Variants in CHST11 observed in about 807,000 individuals in gnomAD.
CHST11 encodes the protein C4S-1.
Under a neutral mutation model 30.4 loss-of-function variants are expected in CHST11, and 9 were observed. That is an observed-to-expected ratio of 0.30 (90% CI 0.18 to 0.52). CHST11 has a LOEUF of 0.52. CHST11 is among the 20% of genes least tolerant of loss of function. The pLI is 0.97. For synonymous variants in CHST11, 152 were observed against 187.8 expected (o/e 0.81, Z 1.56); for missense variants, 348 against 460.6 (o/e 0.76, Z 2.24).
chr12:104,680,801 C>A (rs2039788229), intron 2 of CHST11, among the ~76,000 whole-genome samples: 1 of 152,222 alleles, frequency 6.6e-6, no homozygotes, highest in Non-Finnish European at 1.5e-5. Flanking sequence ...GCTTGACTAG[C>A]TGGGCCCACA....
At position 104,537,168 on chromosome 12, in the gene CHST11, A is replaced by G. The variant is rs565495350; in HGVS notation, c.119-64738A>G. Among the ~76,000 whole-genome samples, 104 of 152,340 alleles carry G rather than the reference A, an allele frequency of 6.8e-4. 1 individual carries two copies. Among genetic ancestry groups the G allele is most frequent in the African/African-American group, 2.4e-3 (101 of 41,576 alleles). ...CATTATCATGTCACTCTGGAATGAGATGGAAAGTGAAGAGCTCAAATAACA... is the reference window on the plus strand; with the variant it reads ...CATTATCATGTCACTCTGGAATGAGGTGGAAAGTGAAGAGCTCAAATAACA... On this transcript the variant is annotated intron_variant, in intron 1 of 2. Coordinates refer to ENST00000303694, the MANE Select transcript of CHST11 (RefSeq NM_018413.6).
At chr12:104,712,993 C>T (rs889042405) in intron 2 of CHST11, among the ~76,000 whole-genome samples, 21 of 151,998 alleles carry the variant, frequency 1.4e-4, no homozygotes, top group South Asian at 6.2e-4. Flanking sequence ...CCAGGACCCC[C>T]GAGATAAATA....
intron 2 of CHST11, among the ~76,000 whole-genome samples, chr12:104,607,979 T>C (rs2039023061): frequency 6.6e-6 from 1 of 152,108 alleles, no homozygotes; most frequent in African/African-American, 2.4e-5. Flanking sequence ...TTAGACTGGA[T>C]CAGTGTTTAT....
intron 1 of CHST11, among the ~76,000 whole-genome samples, chr12:104,504,721 C>T (rs566653444): frequency 6.6e-6 from 1 of 152,172 alleles, no homozygotes; most frequent in East Asian, 1.9e-4. Flanking sequence ...GTCCCATCTA[C>T]TAGGGAGGCT....
intron 2 of CHST11, among the ~76,000 whole-genome samples, chr12:104,645,654 C>G (rs1395734941): frequency 6.6e-6 from 1 of 150,862 alleles, no homozygotes; most frequent in African/African-American, 2.4e-5. Context: ...TCCTTCCCCC[C>G]CACCCTCCCC....
chr12:104,689,943 G>A (rs995319239), intron 2 of CHST11, among the ~76,000 whole-genome samples: 4 of 151,314 alleles, frequency 2.6e-5, no homozygotes, highest in African/African-American at 2.4e-5. Flanking sequence ...AAACCACTAC[G>A]CAAAAATCAT....
rs1297615589 is a variant in CHST11 at position 104,540,776 on chromosome 12, C to T, written c.119-61130C>T. 2.6e-5 allele frequency among the ~76,000 whole-genome samples: 4 copies of T among 152,164 alleles called. No homozygotes were observed. The East Asian group carries it at 7.7e-4, about 29-fold the overall frequency. ...TAATGAGGGCTGGAGGCAAAGCCTCCAGACGGCCCAGGGTGAGCCAGGGAG... is the reference window on the plus strand; with the variant it reads ...TAATGAGGGCTGGAGGCAAAGCCTCTAGACGGCCCAGGGTGAGCCAGGGAG... On this transcript the variant is annotated intron_variant, in intron 1 of 2. Transcript: ENST00000303694.
chr12:104,536,072 G>T (rs1037917361), intron 1 of CHST11, among the ~76,000 whole-genome samples: 1 of 152,192 alleles, frequency 6.6e-6, no homozygotes, highest in African/African-American at 2.4e-5. Context: ...AATTCACTTT[G>T]CTGGTTTTTT....
At chr12:104,694,965 C>T (rs139992389) in intron 2 of CHST11, among the ~76,000 whole-genome samples, 1 of 152,246 alleles carries the variant, frequency 6.6e-6, no homozygotes, top group African/African-American at 2.4e-5. Context: ...CCCACCGGAC[C>T]CTTTGCTGGG....
intron 2 of CHST11, among the ~76,000 whole-genome samples, chr12:104,741,378 T>C (rs1362685703): frequency 6.6e-6 from 1 of 152,206 alleles, no homozygotes; most frequent in African/African-American, 2.4e-5. Flanking sequence ...ACTGGAAGCA[T>C]GCAACATGCA....
rs556942281 is a variant in CHST11, at chr12:104,612,320, G to T, written c.204+10329G>T. Among the ~76,000 whole-genome samples, 4 of 152,320 alleles carry T rather than the reference G, an allele frequency of 2.6e-5. No homozygotes were observed. In the East Asian group the frequency reaches 7.7e-4, roughly 29 times the overall value. Reference sequence around the variant, plus strand: ...GGCCGTGAAGAAGGGCCTGTTCCAGGCCTGTCTGTTAGCTTCCTGGTTTGA... The same window carrying T: ...GGCCGTGAAGAAGGGCCTGTTCCAGTCCTGTCTGTTAGCTTCCTGGTTTGA... On this transcript the variant is annotated intron_variant, in intron 2 of 2. Transcript: ENST00000303694.
intron 2 of CHST11, among the ~76,000 whole-genome samples, chr12:104,752,731 G>A (rs2040443974): frequency 6.6e-6 from 1 of 152,178 alleles, no homozygotes. Context: ...GTTTCGCCAT[G>A]TTGGCCAGGG....
intron 2 of CHST11, among the ~76,000 whole-genome samples, chr12:104,750,292 A>G (rs1471206114): frequency 4.6e-5 from 7 of 151,982 alleles, no homozygotes; most frequent in Non-Finnish European, 1.0e-4. Flanking sequence ...GACCCACAGC[A>G]GTGAGCAAGC....
intron 1 of CHST11, among the ~76,000 whole-genome samples, chr12:104,575,050 C>T (rs1017676154): frequency 1.3e-4 from 20 of 151,754 alleles, no homozygotes; most frequent in African/African-American, 3.1e-4. Context: ...AGAAATGAGC[C>T]GGCGTGGTGG....
At chr12:104,655,328 CTGAT>C (rs1323278559) in intron 2 of CHST11, among the ~76,000 whole-genome samples, 2 of 152,240 alleles carry the variant, frequency 1.3e-5, no homozygotes, top group Non-Finnish European at 2.9e-5. Flanking sequence ...TAATTCTTTC[CTGAT>C]TGATGCGTGA....
intron 1 of CHST11, among the ~76,000 whole-genome samples, chr12:104,545,833 C>T (rs965597640): frequency 1.3e-4 from 13 of 101,062 alleles, no homozygotes; most frequent in African/African-American, 4.0e-4. Context: ...CTCTCTGTCT[C>T]TCTTTTTTTA....
chr12:104,587,756 GATTT>G (rs71829896), intron 1 of CHST11, among the ~76,000 whole-genome samples: 17,088 of 147,624 alleles, frequency 0.12, 1,244 homozygotes, highest in Non-Finnish European at 0.16. Context: ...TGAATCTTAA[GATTT>G]ATTTATTTAT....
intron 2 of CHST11, among the ~76,000 whole-genome samples, chr12:104,645,746 A>G (rs1483676836): frequency 2.0e-5 from 3 of 151,820 alleles, no homozygotes; most frequent in Non-Finnish European, 4.4e-5. Flanking sequence ...AAATTAAACT[A>G]GGAAATGAAA....
chr12:104,627,716 A>G (rs553070824), intron 2 of CHST11, among the ~76,000 whole-genome samples: 2 of 152,314 alleles, frequency 1.3e-5, no homozygotes, highest in African/African-American at 4.8e-5. Context: ...TACATCTTTA[A>G]CACAAATCAG....
Sources: allele counts gnomAD v4.1 joint callset (sites outside exome capture counted in the v4.1 genomes callset), GRCh38; gene constraint gnomAD v4.1.1; transcripts MANE v1.5; gene names NCBI Gene and HGNC (gene_info 2026-07-23, HGNC 2026-07-21).